Variants in POLR3B observed in about 807,000 individuals in gnomAD.
The protein encoded by POLR3B is RNA polymerase III subunit B, also known as DNA-directed RNA polymerase III subunit RPC2.
In POLR3B, 96 loss-of-function variants were observed where a neutral mutation model predicts 147.4. The observed-to-expected ratio is 0.65, with a 90% CI of 0.55 to 0.77. The LOEUF is 0.77. POLR3B is among the 30% of genes least tolerant of loss of function. The pLI, the probability that POLR3B is intolerant of heterozygous loss-of-function variation, is 0.00. For missense variants in POLR3B, 1,036 were observed against 1,413.5 expected, an observed-to-expected ratio of 0.73 and a Z score of 4.28; for synonymous variants, 461 against 485.9, an observed-to-expected ratio of 0.95 and a Z score of 0.67.
intron 2 of POLR3B, among the ~76,000 whole-genome samples, chr12:106,365,071 G>T (rs1042978535): frequency 6.6e-6 from 1 of 152,086 alleles, no homozygotes; most frequent in African/African-American, 2.4e-5. Context: ...GGAGGCAGAG[G>T]TTGCAGTGAG....
At chr12:106,483,896 T>C (rs546359241) in intron 23 of POLR3B, among the ~76,000 whole-genome samples, 44 of 152,342 alleles carry the variant, frequency 2.9e-4, no homozygotes, top group Middle Eastern at 6.8e-3. Context: ...AGCCCTCGGA[T>C]TGACGAAAAG....
rs1156406717 is a variant in POLR3B, at chr12:106,446,436, GA to G, written c.2083+1850del. 2.7e-5 allele frequency: 8 copies of G among 292,852 alleles called. No individual in the cohort carries two copies. The East Asian group carries it at 6.8e-4, about 25-fold the overall frequency. 18.1% of individuals were successfully genotyped at this position (292,852 alleles called of 1,614,324 possible). ...TCCCCACAAAAAAAAAAAAAAAAAA[GA>G]AAAGAGAAACCCTTTATATGTGGCA... is the stretch of plus-strand genomic sequence containing the variant. On this transcript the variant is annotated intron_variant, in intron 19 of 27. Coordinates refer to ENST00000228347, the MANE Select transcript of POLR3B (RefSeq NM_018082.6).
chr12:106,376,529 CA>C, intron 7 of POLR3B, 79 bp downstream of exon 7: 2 of 1,004,164 alleles, frequency 2.0e-6, no homozygotes, highest in South Asian at 1.3e-5. Flanking sequence ...CATTTTGTCT[CA>C]AAAACAGTAC....
intron 12 of POLR3B, among the ~76,000 whole-genome samples, chr12:106,422,175 A>T (rs1010937637): frequency 7.2e-5 from 11 of 152,146 alleles, no homozygotes; most frequent in African/African-American, 2.4e-4. Flanking sequence ...TGATTGGGTC[A>T]TGGGGGTGGT....
intron 15 of POLR3B, 151 bp from the exon 16 acceptor site, chr12:106,433,568 C>T (rs1307168374): frequency 9.6e-6 from 6 of 623,678 alleles, no homozygotes. Context: ...TTTGTTGCTT[C>T]CCTGCAACCT....
intron 23 of POLR3B, among the ~76,000 whole-genome samples, chr12:106,470,501 A>G (rs2137044749): frequency 6.6e-6 from 1 of 152,222 alleles, no homozygotes; most frequent in South Asian, 2.1e-4. Flanking sequence ...CTTGCTGGCA[A>G]GGAGTTGTGT....
intron 1 of POLR3B, among the ~76,000 whole-genome samples, chr12:106,358,788 A>T (rs1398771363): frequency 6.6e-6 from 1 of 152,200 alleles, no homozygotes; most frequent in Non-Finnish European, 1.5e-5. Context: ...AGAGGAGAAG[A>T]GATAAAAGAC....
chr12:106,500,168 T>C (rs1264979470), intron 25 of POLR3B: 1 of 455,976 alleles, frequency 2.2e-6, no homozygotes, highest in Admixed American at 2.4e-5. Flanking sequence ...TAGCACATGG[T>C]AGTTGCTTCC....
intron 23 of POLR3B, among the ~76,000 whole-genome samples, chr12:106,492,382 CA>C (rs879539927): frequency 4.1e-4 from 59 of 144,256 alleles, no homozygotes; most frequent in Non-Finnish European, 6.2e-4. Flanking sequence ...CTCATCTCTA[CA>C]AAAAAAAAAA....
intron 1 of POLR3B, among the ~76,000 whole-genome samples, chr12:106,360,290 T>C (rs1241187095): frequency 1.3e-5 from 2 of 152,202 alleles, no homozygotes; most frequent in African/African-American, 4.8e-5. Flanking sequence ...CAAAATCTAG[T>C]GTTTACCATG....
At position 106,393,070 on chromosome 12, in the gene POLR3B, A is replaced by G. The variant is rs140433171; in HGVS notation, c.763A>G (p.Ile255Val). The G allele has an allele frequency of 1.2e-6, 2 of 1,614,180 alleles. No individual in the cohort carries two copies. Among genetic ancestry groups the G allele is most frequent in the African/African-American group, 1.3e-5 (1 of 75,056 alleles). The change falls in exon 10 of 28, where the codon ATT (isoleucine) becomes GTT (valine). Residue 255 changes from isoleucine to valine, a missense_variant. Around this residue, in one of 12 missense-constraint regions of POLR3B, gnomAD observed 217 missense variants for 288.7 expected, o/e 0.75. Transcript: ENST00000228347. ...GAGTGACCAGGAAATTGTGCAGATG[A>G]TTGGAACAGAGGAGCACGTGATGGC... The part of the protein sequence containing the change: ...VESDQEIVQM[I>V]GTEEHVMAAF...
chr12:106,384,626 A>G (rs1013516684), intron 9 of POLR3B, among the ~76,000 whole-genome samples: 1 of 151,886 alleles, frequency 6.6e-6, no homozygotes, highest in Non-Finnish European at 1.5e-5. Context: ...TATTTTTTGT[A>G]TTTTTGTGCT....
Position 106,454,691 on chromosome 12 carries a change from A to T in POLR3B, c.2273A>T (p.Asn758Ile). 1.9e-6 allele frequency: 3 copies of T among 1,605,172 alleles called. No homozygotes were observed. The highest frequency in any genetic ancestry group is 2.6e-6 in the Non-Finnish European group (3 of 1,172,042). ...GYDIEDALVLNKASLDRGFGR... is the reference protein window; with the variant it reads ...GYDIEDALVLIKASLDRGFGR... ...GATATTGAAGATGCTCTTGTTTTAA[A>T]CAAGGCCTCTTTAGACAGAGGTAAG... Residue 758 changes from asparagine to isoleucine, a missense_variant, in exon 20 of 28, where the codon AAC becomes ATC. This residue lies in a region of POLR3B where 202 missense variants were observed against 272.8 expected (regional missense o/e 0.74). Transcript: ENST00000228347.
At chr12:106,415,980 G>A (rs2037296854) in intron 12 of POLR3B, among the ~76,000 whole-genome samples, 1 of 152,088 alleles carries the variant, frequency 6.6e-6, no homozygotes, top group South Asian at 2.1e-4. Flanking sequence ...GCAGTTTAAA[G>A]TTAAACCATT....
chr12:106,490,651 G>A (rs574717558), intron 23 of POLR3B, among the ~76,000 whole-genome samples: 3 of 152,320 alleles, frequency 2.0e-5, no homozygotes, highest in African/African-American at 7.2e-5. Context: ...GATTATTTAA[G>A]GTGGTGGTGT....
chr12:106,500,220 T>A (rs764821007), intron 25 of POLR3B: 1 of 454,368 alleles, frequency 2.2e-6, no homozygotes, highest in African/African-American at 2.0e-5. Flanking sequence ...AAAAAAAAAT[T>A]TTTTAAGACA....
intron 1 of POLR3B, 136 bp downstream of exon 1, chr12:106,358,087 G>T (rs1389688499): frequency 5.9e-6 from 9 of 1,525,656 alleles, no homozygotes; most frequent in Non-Finnish European, 7.9e-6. Context: ...TGCCCAGAGC[G>T]TCGCGCTTGC....
At chr12:106,398,240 A>C (rs990322329) in intron 10 of POLR3B, among the ~76,000 whole-genome samples, 8 of 152,224 alleles carry the variant, frequency 5.3e-5, no homozygotes, top group Non-Finnish European at 8.8e-5. Flanking sequence ...CATTGCTAGC[A>C]CAGCAGTCTG....
rs548174035 is a variant in POLR3B at position 106,429,930 on chromosome 12, T to C, written c.1264-343T>C. Among the ~76,000 whole-genome samples the C allele has an allele frequency of 1.4e-4, 22 of 152,346 alleles. No individual in the cohort carries two copies. The East Asian group carries it at 4.2e-3, about 29-fold the overall frequency. ...GTGTATAGAAATTGCTGGTGTTTTATCAGTTAGCTTATGACTTCCCATGGA... is the reference window on the plus strand; with the variant it reads ...GTGTATAGAAATTGCTGGTGTTTTACCAGTTAGCTTATGACTTCCCATGGA... On this transcript the variant is annotated intron_variant, in intron 13 of 27. Coordinates refer to ENST00000228347, the MANE Select transcript of POLR3B (RefSeq NM_018082.6).
Sources: gnomAD v4.1 joint callset for allele counts (sites outside exome capture counted in the v4.1 genomes callset) on GRCh38, gnomAD v4.1.1 for gene constraint, gnomAD v4.1.1 regional missense constraint, MANE v1.5 for transcripts, NCBI Gene and HGNC (gene_info 2026-07-23, HGNC 2026-07-21) for gene names.